The following TMEM230 variants were observed in gnomAD, a reference collection of about 807,000 sequenced individuals.
TMEM230 encodes the protein UPF0414 transmembrane protein C20orf30.
In TMEM230, 10 loss-of-function variants were observed where a neutral mutation model predicts 15.8. That is an observed-to-expected ratio of 0.63 (90% CI 0.39 to 1.07). TMEM230 has a LOEUF of 1.07. TMEM230 is among the 50% of genes least tolerant of loss of function. The pLI, the probability that TMEM230 is intolerant of heterozygous loss-of-function variation, is 0.01. For synonymous variants in TMEM230, 67 were observed against 76.9 expected (o/e 0.87, Z 0.68); for missense variants, 165 against 193.3 (o/e 0.85, Z 0.87).
chr20:5,096,307 G>A (rs1052356278), downstream of TMEM230, among the ~76,000 whole-genome samples: 1 of 152,196 alleles, frequency 6.6e-6, no homozygotes, highest in African/African-American at 2.4e-5. Flanking sequence ...CCACCATCTG[G>A]AACTGTTTTT....
At chr20:5,078,441 CCT>C (rs1195511447) in intron 3 of TMEM230, among the ~76,000 whole-genome samples, 1 of 152,140 alleles carries the variant, frequency 6.6e-6, no homozygotes, top group Non-Finnish European at 1.5e-5. Flanking sequence ...ACTTGTTTTT[CCT>C]CTAACAGGTG....
chr20:5,110,505 G>A (rs907951451), intron 2 of TMEM230, among the ~76,000 whole-genome samples: 3 of 152,040 alleles, frequency 2.0e-5, no homozygotes, highest in African/African-American at 7.2e-5. Flanking sequence ...GGCTGGTCTC[G>A]AACTTCTGAC....
intron 4 of TMEM230, 106 bp from the exon 4 acceptor site, chr20:5,101,037 CT>C: frequency 7.4e-7 from 1 of 1,349,074 alleles, no homozygotes. Flanking sequence ...CTCTTCAGTA[CT>C]TTTTCTTTGA....
Position 5,105,011 on chromosome 20 carries a change from G to A in TMEM230, c.411+1177C>T, listed in dbSNP as rs189495346. On this transcript the variant is annotated intron_variant, in intron 4 of 4. Transcript: ENST00000342308. ...AAAAATATAATAACTAAGGCTGGAC[G>A]TGGTAGCTCACGCCTGTAATCCCAG... Among the ~76,000 whole-genome samples, 35 of 152,332 alleles carry A rather than the reference G, an allele frequency of 2.3e-4. No individual in the cohort carries two copies. In the East Asian group the frequency reaches 4.2e-3, roughly 18 times the overall value.
intron 3 of TMEM230, among the ~76,000 whole-genome samples, chr20:5,078,138 A>G (rs922556827): frequency 6.6e-6 from 1 of 152,214 alleles, no homozygotes; most frequent in African/African-American, 2.4e-5. Flanking sequence ...AGACACAGCC[A>G]AAGATGCTTC....
intron 3 of TMEM230, 124 bp from the exon 3 acceptor site, chr20:5,106,434 G>A (rs1243859804): frequency 1.6e-5 from 20 of 1,220,256 alleles, no homozygotes; most frequent in African/African-American, 6.2e-5. Context: ...ATGGAGTTTC[G>A]TTCTTGTTGC....
chr20:5,106,363 C>G, intron 3 of TMEM230, 53 bp from the exon 3 acceptor site: 3 of 1,544,578 alleles, frequency 1.9e-6, no homozygotes, highest in Non-Finnish European at 2.6e-6. Context: ...ATGCAAATAC[C>G]TGGGTTCAAA....
At chr20:5,093,427 G>T (rs536470364) in intron 3 of TMEM230, among the ~76,000 whole-genome samples, 25 of 152,022 alleles carry the variant, frequency 1.6e-4, no homozygotes, top group African/African-American at 4.8e-4. Flanking sequence ...TTTTTGTAGA[G>T]ATGGGGTTTT....
chr20:5,089,400 A>G (rs1467571435), intron 3 of TMEM230, among the ~76,000 whole-genome samples: 1 of 150,540 alleles, frequency 6.6e-6, no homozygotes, highest in African/African-American at 2.4e-5. Context: ...AGAAAAAAAT[A>G]GTAACAGAAG....
chr20:5,085,255 T>C (rs1330508034), intron 3 of TMEM230, among the ~76,000 whole-genome samples: 1 of 152,150 alleles, frequency 6.6e-6, no homozygotes, highest in African/African-American at 2.4e-5. Context: ...TGTTCCATTT[T>C]TTTTTTCATG....
chr20:5,102,841 A>G (rs951154361), intron 4 of TMEM230, among the ~76,000 whole-genome samples: 10 of 152,196 alleles, frequency 6.6e-5, no homozygotes, highest in African/African-American at 2.2e-4. Flanking sequence ...ATAGGCCAAT[A>G]TCCCTGATGA....
intron 3 of TMEM230, among the ~76,000 whole-genome samples, chr20:5,075,048 T>C (rs2088945878): frequency 1.3e-5 from 2 of 151,778 alleles, no homozygotes; most frequent in Non-Finnish European, 2.9e-5. Context: ...TGCATCAACC[T>C]GTATAGTTAA....
chr20:5,101,811 A>T (rs1460957710), intron 4 of TMEM230, among the ~76,000 whole-genome samples: 4 of 152,204 alleles, frequency 2.6e-5, no homozygotes, highest in Non-Finnish European at 5.9e-5. Context: ...ACAGCCCATG[A>T]GAAAGAACCA....
chr20:5,062,477 C>T, the TMEM230 span, among the ~76,000 whole-genome samples: 6 of 151,866 alleles, frequency 4.0e-5, no homozygotes, highest in Admixed American at 1.3e-4. Flanking sequence ...AGTCCTAGGT[C>T]GAGCACAGTG....
chr20:5,082,234 TTCTCTCTC>T (rs59648052), intron 3 of TMEM230, among the ~76,000 whole-genome samples: 4 of 148,998 alleles, frequency 2.7e-5, no homozygotes, highest in African/African-American at 9.9e-5. Flanking sequence ...CTCTCTCTCT[TTCTCTCTC>T]TCTCTCTCTC....
At chr20:5,067,434 T>TATATAC (rs2088682200), downstream of TMEM230, 1 of 25,950 alleles carries the variant, frequency 3.9e-5, no homozygotes, top group African/African-American at 2.0e-4. Context: ...TATATATATA[T>TATATAC]ATATATATAT....
chr20:5,084,901 A>C (rs1263231117), intron 3 of TMEM230, among the ~76,000 whole-genome samples: 2 of 152,212 alleles, frequency 1.3e-5, no homozygotes, highest in East Asian at 1.9e-4. Flanking sequence ...GCAACATAAC[A>C]TCTCTGGTGA....
chr20:5,094,523 A>G (rs149700154), intron 3 of TMEM230, among the ~76,000 whole-genome samples: 2 of 151,664 alleles, frequency 1.3e-5, no homozygotes, highest in East Asian at 4.0e-4. Flanking sequence ...CCTGGACAAC[A>G]TGGTAAAACC....
intron 3 of TMEM230, among the ~76,000 whole-genome samples, chr20:5,069,735 A>T (rs1187762371): frequency 1.3e-5 from 2 of 149,636 alleles, no homozygotes; most frequent in East Asian, 2.0e-4. Flanking sequence ...TTTGTGAGAC[A>T]GTCTCCCTCT....
Sources: gnomAD v4.1 joint callset for allele counts (sites outside exome capture counted in the v4.1 genomes callset) on GRCh38, gnomAD v4.1.1 for gene constraint, MANE v1.5 for transcripts, NCBI Gene and HGNC (gene_info 2026-07-23, HGNC 2026-07-21) for gene names.